The following NUP155 variants were observed in gnomAD, a reference collection of about 807,000 sequenced individuals.
NUP155 encodes nuclear pore complex protein Nup155.
Under a neutral mutation model 180.4 loss-of-function variants are expected in NUP155, and 71 were observed. The ratio of observed to expected loss-of-function variants is 0.39; its 90% CI spans 0.33 to 0.48. NUP155 has a LOEUF of 0.48. Among genes scored for constraint, NUP155 ranks in the 20% least tolerant of loss-of-function variants. The probability of loss-of-function intolerance (pLI) is 0.91; values close to 1 mark genes in which losing one functional copy is unlikely to be tolerated. For missense variants in NUP155, 1,553 were observed against 1,648.9 expected (o/e 0.94, Z 1.01); for synonymous variants, 582 against 559.5 (o/e 1.04, Z -0.57).
At position 37,333,498 on chromosome 5, in the gene NUP155, A is replaced by G. The variant is rs547613325; in HGVS notation, c.1483T>C (p.Leu495=). 3.1e-6 allele frequency: 5 copies of G among 1,614,160 alleles called. No individual in the cohort carries two copies. Among genetic ancestry groups the G allele is most frequent in the East Asian group, 4.5e-5 (2 of 44,872 alleles). The change falls in exon 13 of 35, where the codon TTA becomes CTA. Residue 495 remains leucine, a synonymous_variant. Coordinates refer to ENST00000231498, the MANE Select transcript of NUP155 (RefSeq NM_153485.3). The part of the protein sequence containing the change: ...DSPVVVQQHM[L]PPKKFVLLSA... ...AGGAGAACAAATTTCTTCGGAGGTA[A>G]CATGTGCTGCTGTACAACAACTGGT...
intron 32 of NUP155, 88 bp downstream of exon 32, chr5:37,298,780 T>G: frequency 1.3e-6 from 1 of 771,310 alleles, no homozygotes; most frequent in Middle Eastern, 2.2e-4. Flanking sequence ...AACTCTTTAT[T>G]TTACTCGAAA....
intron 12 of NUP155, among the ~76,000 whole-genome samples, chr5:37,337,044 T>C (rs892562442): frequency 1.3e-5 from 2 of 152,064 alleles, no homozygotes; most frequent in Admixed American, 6.6e-5. Context: ...GCAGGACTAT[T>C]CAGGAGGACA....
At chr5:37,301,292 C>A in intron 30 of NUP155, 145 bp downstream of exon 30, 1 of 621,992 alleles carries the variant, frequency 1.6e-6, no homozygotes, top group Admixed American at 2.3e-5. Flanking sequence ...GGTGATCTGT[C>A]AGCCCAGTGA....
chr5:37,295,860 C>T lies in NUP155; in HGVS notation c.3794-1395G>A, dbSNP rs574221321. 9.3e-3 allele frequency among the ~76,000 whole-genome samples: 1,409 copies of T among 151,078 alleles called. 23 individuals are homozygous for T. The highest frequency in any genetic ancestry group is 0.054 in the East Asian group (275 of 5,056). Reference sequence around the variant, plus strand: ...GAGCCCCTCCGCCCGGCAGCCACCCCGTCCGGGAGGGAGGTTGGGGGGTCA... The same window carrying T: ...GAGCCCCTCCGCCCGGCAGCCACCCTGTCCGGGAGGGAGGTTGGGGGGTCA... On this transcript the variant is annotated intron_variant, in intron 32 of 34. Transcript: ENST00000231498.
In NUP155 at chr5:37,351,179, G is replaced by T; in HGVS notation, c.723+11C>A. ...GAGAGAAAAAAAAACGTTTACAAATGTCAGACTTACCTGGTAGGCTACTTC... is the reference window on the plus strand; with the variant it reads ...GAGAGAAAAAAAAACGTTTACAAATTTCAGACTTACCTGGTAGGCTACTTC... On this transcript the variant is annotated intron_variant, in intron 6 of 34. Coordinates refer to ENST00000231498, the MANE Select transcript of NUP155 (RefSeq NM_153485.3). 1 of 1,611,450 alleles carries T rather than the reference G, an allele frequency of 6.2e-7. No homozygotes were observed.
Position 37,350,849 on chromosome 5 carries a change from G to A in NUP155, c.723+341C>T, listed in dbSNP as rs1483026890. 7.0e-5 allele frequency among the ~76,000 whole-genome samples: 10 copies of A among 141,940 alleles called. No individual in the cohort carries two copies. The South Asian group carries it at 1.8e-3, about 26-fold the overall frequency. 93.1% of individuals were successfully genotyped at this position (141,940 alleles called of 152,430 possible). On this transcript the variant is annotated intron_variant, in intron 6 of 34. Transcript: ENST00000231498. ...AAAAAAAAAAAAAAAAAGCAATTACGAATTAAATCAATAATCCAAGTGAAA... is the reference window on the plus strand; with the variant it reads ...AAAAAAAAAAAAAAAAAGCAATTACAAATTAAATCAATAATCCAAGTGAAA...
intron 1 of NUP155, among the ~76,000 whole-genome samples, chr5:37,365,942 T>C (rs1268721250): frequency 6.6e-6 from 1 of 151,684 alleles, no homozygotes; most frequent in Non-Finnish European, 1.5e-5. Flanking sequence ...AACAAAATAA[T>C]GACTGGGGGA....
chr5:37,294,245 A>C, intron 33 of NUP155, 84 bp downstream of exon 33: 1 of 948,806 alleles, frequency 1.1e-6, no homozygotes, highest in Non-Finnish European at 1.6e-6. Flanking sequence ...GGATACAAAA[A>C]TGCAATCAAA....
chr5:37,292,316 C>T (rs371453105), intron 34 of NUP155, among the ~76,000 whole-genome samples: 17 of 151,576 alleles, frequency 1.1e-4, no homozygotes, highest in South Asian at 6.2e-4. Flanking sequence ...CCTGGGTTCA[C>T]GCCATTCTCC....
chr5:37,291,995 G>C lies in NUP155; in HGVS notation c.4081C>G (p.Leu1361Val). The change falls in exon 35 of 35, where the codon CTT becomes GTT. Residue 1361 changes from leucine (L) to valine (V), a missense_variant. Coordinates refer to ENST00000231498, the MANE Select transcript of NUP155 (RefSeq NM_153485.3). ...NLCLDAVCGY[L>V]VELQSMSSSV... is the part of the protein sequence containing the mutation. ...GAGCTCATAGACTGGAGCTCAACAAGGTAACCACAAACAGCATCCAGGCAG... is the reference window on the plus strand; with the variant it reads ...GAGCTCATAGACTGGAGCTCAACAACGTAACCACAAACAGCATCCAGGCAG... The C allele has an allele frequency of 6.2e-7, 1 of 1,614,032 alleles. No homozygotes were observed. Among genetic ancestry groups the C allele is most frequent in the Non-Finnish European group, 8.5e-7 (1 of 1,179,950 alleles).
chr5:37,352,917 A>G, intron 4 of NUP155, 88 bp from the exon 5 acceptor site: 1 of 848,612 alleles, frequency 1.2e-6, no homozygotes. Flanking sequence ...GTGAGCTACT[A>G]ATTAAATGGT....
At chr5:37,327,070 A>T (rs1744645327) in intron 18 of NUP155, 1 of 153,950 alleles carries the variant, frequency 6.5e-6, no homozygotes, top group South Asian at 2.0e-4. Flanking sequence ...TGATTTTCTT[A>T]ATTTTTTTTC....
chr5:37,366,945 C>T (rs541027918), intron 1 of NUP155, among the ~76,000 whole-genome samples: 5 of 152,152 alleles, frequency 3.3e-5, no homozygotes, highest in African/African-American at 4.8e-5. Context: ...CCACCGTGCC[C>T]GGCCGGTCTC....
intron 9 of NUP155, among the ~76,000 whole-genome samples, chr5:37,342,975 G>A (rs1377655442): frequency 2.0e-5 from 3 of 152,098 alleles, no homozygotes; most frequent in African/African-American, 4.8e-5. Context: ...GACCTCGCGT[G>A]AGCGTGATCC....
At chr5:37,370,576 C>G (rs1747895085) in intron 1 of NUP155, 1 of 1,197,828 alleles carries the variant, frequency 8.3e-7, no homozygotes, top group South Asian at 1.6e-5. Flanking sequence ...AGGTTGAGGT[C>G]TTTGCCTCTT....
intron 32 of NUP155, among the ~76,000 whole-genome samples, chr5:37,295,718 G>A (rs994583517): frequency 6.6e-6 from 1 of 151,744 alleles, no homozygotes; most frequent in Non-Finnish European, 1.5e-5. Flanking sequence ...GGGATGTGAG[G>A]AGCGTCTCTG....
chr5:37,329,397 A>T, intron 15 of NUP155, 119 bp from the exon 16 acceptor site: 1 of 757,670 alleles, frequency 1.3e-6, no homozygotes. Context: ...TAGAGACTTC[A>T]ATGTATTGTG....
intron 17 of NUP155, 128 bp from the exon 18 acceptor site, chr5:37,327,904 C>A: frequency 9.8e-7 from 1 of 1,022,776 alleles, no homozygotes; most frequent in Non-Finnish European, 1.5e-6. Context: ...TTCTCATAAC[C>A]CAAGTTTGTG....
rs1021002313 is a variant in NUP155, at chr5:37,332,313, C to CTTTTTT, written c.1519-524_1519-519dup. On this transcript the variant is annotated intron_variant, in intron 13 of 34. Coordinates refer to ENST00000231498, the MANE Select transcript of NUP155 (RefSeq NM_153485.3). Reference sequence around the variant, plus strand: ...GCAATTGAGGTTTCTGCCATTACAGCTTTTTTTTTTTTTTTTTTTTTTTTT... The same window carrying CTTTTTT: ...GCAATTGAGGTTTCTGCCATTACAGCTTTTTTTTTTTTTTTTTTTTTTTTTTTTTTT... 5.3e-3 allele frequency among the ~76,000 whole-genome samples: 466 copies of CTTTTTT among 87,704 alleles called. 51 individuals carry two copies. The highest frequency in any genetic ancestry group is 0.025 in the African/African-American group (445 of 17,716). 57.5% of individuals were successfully genotyped at this position (87,704 alleles called of 152,430 possible). A position where few individuals can be genotyped will look rare whatever the true frequency, so the allele number is the denominator to read the frequency against.
Sources: allele counts gnomAD v4.1 joint callset (sites outside exome capture counted in the v4.1 genomes callset), GRCh38; gene constraint gnomAD v4.1.1; transcripts MANE v1.5; gene names NCBI Gene and HGNC (gene_info 2026-07-23, HGNC 2026-07-21).